PLA2G5: variants seen among roughly 807,000 people sequenced by gnomAD.
The protein encoded by PLA2G5 is Ca2+-dependent phospholipase A2.
A neutral mutation model predicts 15.9 loss-of-function variants in PLA2G5; 12 were observed. The ratio of observed to expected loss-of-function variants is 0.76; its 90% confidence interval spans 0.48 to 1.23. The LOEUF is 1.23. PLA2G5 is among the 50% of genes most tolerant of loss of function. PLA2G5 has a pLI of 0.00. For missense variants in PLA2G5, 169 were observed against 177.1 expected, an observed-to-expected ratio of 0.95 and a Z score of 0.26; for synonymous variants, 71 against 71.4, an observed-to-expected ratio of 0.99 and a Z score of 0.03.
chr1:20,032,282 A>T (rs1416565745), intron 1 of PLA2G5, among the ~76,000 whole-genome samples: 1 of 152,098 alleles, frequency 6.6e-6, no homozygotes, highest in East Asian at 1.9e-4. Context: ...GTCTGACTGG[A>T]TAGAAGAGGG....
chr1:20,084,582 G>A (rs2016191517), intron 1 of PLA2G5, among the ~76,000 whole-genome samples: 2 of 152,156 alleles, frequency 1.3e-5, no homozygotes, highest in Admixed American at 1.3e-4. Flanking sequence ...GGCTAAAAGT[G>A]CACTGGTGGT....
chr1:20,085,340 G>A (rs542693329), intron 2 of PLA2G5, among the ~76,000 whole-genome samples: 2 of 152,138 alleles, frequency 1.3e-5, no homozygotes, highest in South Asian at 2.1e-4. Context: ...CTGCGGCCCC[G>A]TGACCGTATA....
chr1:20,029,343 C>T (rs888508045), intron 1 of PLA2G5, among the ~76,000 whole-genome samples: 2 of 138,858 alleles, frequency 1.4e-5, no homozygotes, highest in African/African-American at 2.7e-5. Flanking sequence ...GTGTTCCTCC[C>T]CTGATACGTT....
At chr1:20,028,932 G>T (rs2012719884) in intron 1 of PLA2G5, among the ~76,000 whole-genome samples, 1 of 152,192 alleles carries the variant, frequency 6.6e-6, no homozygotes. Context: ...AGGCTGTGGG[G>T]CTCTGACCCC....
chr1:20,061,544 C>T (rs1040158172), intron 2 of PLA2G5, among the ~76,000 whole-genome samples: 1 of 149,146 alleles, frequency 6.7e-6, no homozygotes, highest in African/African-American at 2.5e-5. Context: ...CGTGATTGCA[C>T]CACTGCACTC....
chr1:20,071,499 G>GGGA (rs1252375252), intron 1 of PLA2G5, among the ~76,000 whole-genome samples: 1 of 152,198 alleles, frequency 6.6e-6, no homozygotes, highest in African/African-American at 2.4e-5. Context: ...GTTGCTCACA[G>GGGA]CCTGGTGGGA....
intron 1 of PLA2G5, among the ~76,000 whole-genome samples, chr1:20,033,134 CAGGT>C (rs2013057519): frequency 1.3e-5 from 2 of 152,184 alleles, no homozygotes; most frequent in Admixed American, 1.3e-4. Context: ...CTCTTGTTGA[CAGGT>C]AGTTCTGCCT....
chr1:20,029,871 G>A (rs774687774), intron 1 of PLA2G5, among the ~76,000 whole-genome samples: 7 of 152,220 alleles, frequency 4.6e-5, no homozygotes, highest in Non-Finnish European at 4.4e-5. Context: ...CAACTTGCCT[G>A]CAGGCAAAGA....
intron 1 of PLA2G5, among the ~76,000 whole-genome samples, chr1:20,082,051 G>T (rs1474664858): frequency 6.6e-6 from 1 of 151,138 alleles, no homozygotes; most frequent in East Asian, 2.0e-4. Context: ...ACAAAAAAAA[G>T]AATTCGACTG....
chr1:20,084,772 C>T (rs369092447), intron 1 of PLA2G5, 49 bp from the exon 2 acceptor site: 73 of 1,296,810 alleles, frequency 5.6e-5, no homozygotes, highest in African/African-American at 1.9e-4. Flanking sequence ...GAATGGGCCA[C>T]GGGGGCATTG....
chr1:20,044,922 G>A (rs1432388090), intron 1 of PLA2G5, among the ~76,000 whole-genome samples: 1 of 151,924 alleles, frequency 6.6e-6, no homozygotes, highest in Non-Finnish European at 1.5e-5. Context: ...AGGGAAAGGA[G>A]GATTTGGGAT....
chr1:20,029,757 C>T (rs112865806), intron 1 of PLA2G5, among the ~76,000 whole-genome samples: 3,209 of 152,030 alleles, frequency 0.021, 96 homozygotes, highest in African/African-American at 0.073. Flanking sequence ...CTGGTGTGTG[C>T]GGAGGAGGAG....
intron 1 of PLA2G5, chr1:20,054,753 G>A (rs1249671942): frequency 6.6e-6 from 1 of 152,028 alleles, no homozygotes; most frequent in Non-Finnish European, 1.5e-5. Context: ...TATTGCTTTA[G>A]TCGGTGACCT....
chr1:20,090,485 C>A, intron 4 of PLA2G5, 83 bp from the exon 5 acceptor site: 1 of 1,437,600 alleles, frequency 7.0e-7, no homozygotes, highest in South Asian at 1.2e-5. Flanking sequence ...GAAAGCTCCT[C>A]GGAGCAGGAA....
In PLA2G5 at chr1:20,056,775, G is replaced by T. The variant is rs1438729223; in HGVS notation, n.277-2857G>T. ...CATTCTGCTTCTACCTTCTGGAAGAGATTGTACAGAATTAATATGATTTTT... is the reference window on the plus strand; with the variant it reads ...CATTCTGCTTCTACCTTCTGGAAGATATTGTACAGAATTAATATGATTTTT... On this transcript the variant is annotated intron_variant and non_coding_transcript_variant, in intron 1 of 6. Transcript: ENST00000460175. Among the ~76,000 whole-genome samples the T allele has an allele frequency of 3.9e-5, 6 of 152,298 alleles. No individual in the cohort carries two copies. The South Asian group carries it at 8.3e-4, about 21-fold the overall frequency.
rs1021740799 is a variant in PLA2G5 at position 20,091,363 on chromosome 1, G to A, written c.*671G>A. 6.6e-6 allele frequency among the ~76,000 whole-genome samples: 1 copy of A among 152,132 alleles called. No homozygotes were observed. Among genetic ancestry groups the A allele is most frequent in the Non-Finnish European group, 1.5e-5 (1 of 68,016 alleles). ...ACCTTGGGGTCCTCTCCAGTATTGG[G>A]TCTCATTCTTCCTCGATGGGGTCAG... On this transcript the variant is annotated 3_prime_UTR_variant, in exon 5 of 5. Transcript: ENST00000375108.
intron 1 of PLA2G5, among the ~76,000 whole-genome samples, chr1:20,040,361 G>A (rs1352011353): frequency 6.6e-6 from 1 of 152,026 alleles, no homozygotes. Flanking sequence ...TCATCATTTT[G>A]CTTTTGTTTT....
intron 1 of PLA2G5, among the ~76,000 whole-genome samples, chr1:20,059,003 A>G (rs777221065): frequency 1.1e-4 from 16 of 151,102 alleles, no homozygotes; most frequent in Middle Eastern, 3.4e-3. Flanking sequence ...GCGAAACTCC[A>G]TCTCTGCCAG....
intron 1 of PLA2G5, among the ~76,000 whole-genome samples, chr1:20,074,612 C>T (rs2100555241): frequency 6.6e-6 from 1 of 152,268 alleles, no homozygotes; most frequent in Non-Finnish European, 1.5e-5. Context: ...CCACTCAGTG[C>T]CCACCTCCCA....
Sources: allele counts gnomAD v4.1 joint callset (sites outside exome capture counted in the v4.1 genomes callset), GRCh38; gene constraint gnomAD v4.1.1; transcripts MANE v1.5; gene names NCBI Gene and HGNC (gene_info 2026-07-23, HGNC 2026-07-21).